The following RAD51B variants were observed in gnomAD, a reference collection of about 807,000 sequenced individuals.
The protein encoded by RAD51B is RAD51 paralog B, also known as DNA repair protein RAD51 homolog 2.
In RAD51B, 38 loss-of-function variants were observed where a neutral mutation model predicts 42.2. The ratio of observed to expected loss-of-function variants is 0.90; its 90% CI spans 0.70 to 1.18. RAD51B has a LOEUF of 1.18. Ranked by LOEUF, RAD51B falls within the 50% of genes most tolerant of loss-of-function variation. The pLI is 0.00. For missense variants in RAD51B, 373 were observed against 400.7 expected (o/e 0.93, Z 0.59); for synonymous variants, 154 against 145.2 (o/e 1.06, Z -0.43).
intron 10 of RAD51B, among the ~76,000 whole-genome samples, chr14:68,644,113 G>A (rs977590625): frequency 6.6e-6 from 1 of 152,140 alleles, no homozygotes; most frequent in Non-Finnish European, 1.5e-5. Flanking sequence ...CTTGTTTTAG[G>A]CTTGACCTTG....
At chr14:67,951,708 C>T (rs2074452911) in intron 7 of RAD51B, among the ~76,000 whole-genome samples, 1 of 152,122 alleles carries the variant, frequency 6.6e-6, no homozygotes, top group African/African-American at 2.4e-5. Context: ...GTTTTTATAA[C>T]ATATAAATCA....
chr14:68,191,169 G>A (rs1181389407), intron 7 of RAD51B, among the ~76,000 whole-genome samples: 1 of 152,176 alleles, frequency 6.6e-6, no homozygotes, highest in Non-Finnish European at 1.5e-5. Flanking sequence ...GAGAAGAAAT[G>A]TAATTGCTTA....
chr14:68,092,272 G>C (rs535777188), intron 7 of RAD51B, among the ~76,000 whole-genome samples: 25,740 of 151,852 alleles, frequency 0.17, 2,351 homozygotes, highest in Middle Eastern at 0.34. Flanking sequence ...GGCATTGAAC[G>C]TATAAATTAC....
chr14:68,471,643 G>A (rs1388541604), intron 10 of RAD51B, among the ~76,000 whole-genome samples: 1 of 149,596 alleles, frequency 6.7e-6, no homozygotes, highest in African/African-American at 2.5e-5. Context: ...GAAGGAGCCG[G>A]TCCATGCTAT....
At chr14:68,537,498 C>A (rs74363464) in intron 10 of RAD51B, among the ~76,000 whole-genome samples, 31 of 145,750 alleles carry the variant, frequency 2.1e-4, no homozygotes, top group Admixed American at 2.0e-4. Flanking sequence ...GATTTCGTCT[C>A]AAAAAAAAAA....
intron 8 of RAD51B, among the ~76,000 whole-genome samples, chr14:68,368,539 T>G (rs1041973018): frequency 4.6e-5 from 7 of 152,236 alleles, no homozygotes; most frequent in African/African-American, 1.7e-4. Context: ...GAGGGCAAAT[T>G]GATTTCATCT....
At chr14:68,253,880 T>C (rs1280168948) in intron 7 of RAD51B, among the ~76,000 whole-genome samples, 1 of 152,264 alleles carries the variant, frequency 6.6e-6, no homozygotes, top group Non-Finnish European at 1.5e-5. Context: ...TTTACTGTTA[T>C]AATTGGCCTC....
intron 10 of RAD51B, among the ~76,000 whole-genome samples, chr14:68,551,713 G>C (rs939606372): frequency 6.6e-6 from 1 of 152,184 alleles, no homozygotes; most frequent in African/African-American, 2.4e-5. Flanking sequence ...ATTTTAGACT[G>C]TGATATCCTT....
chr14:67,863,189 C>T (rs764088), intron 4 of RAD51B, among the ~76,000 whole-genome samples: 45,692 of 116,514 alleles, frequency 0.39, 7,886 homozygotes, highest in Middle Eastern at 0.59. Flanking sequence ...CATGGTCTTG[C>T]TTTGTTGCTC....
At chr14:67,913,987 A>T (rs1595099600) in intron 7 of RAD51B, among the ~76,000 whole-genome samples, 2 of 145,082 alleles carry the variant, frequency 1.4e-5, no homozygotes, top group African/African-American at 5.1e-5. Context: ...CATGAGTTCA[A>T]TTTTTTTTTT....
intron 7 of RAD51B, among the ~76,000 whole-genome samples, chr14:68,232,367 G>GAA (rs539753766): frequency 6.6e-6 from 1 of 150,752 alleles, no homozygotes; most frequent in Non-Finnish European, 1.5e-5. Context: ...CTGGCAAAAA[G>GAA]AAAAAAAAAG....
chr14:68,422,150 G>A, intron 9 of RAD51B: 1 of 1,360,066 alleles, frequency 7.4e-7, no homozygotes, highest in African/African-American at 1.4e-5. Flanking sequence ...ATGGCCCAAG[G>A]GCTCGCTGTC....
At position 68,452,790 on chromosome 14, in the gene RAD51B, A is replaced by G. The variant is rs139941876; in HGVS notation, c.958-15382A>G. Among the ~76,000 whole-genome samples the G allele has an allele frequency of 3.1e-3, 476 of 152,296 alleles. 4 individuals carry two copies. Among genetic ancestry groups the G allele is most frequent in the African/African-American group, 0.011 (450 of 41,556 alleles). On this transcript the variant is annotated intron_variant, in intron 9 of 10. Transcript: ENST00000471583. ...TCTCTTTAATCCTCACAATAAGCCT[A>G]TGAGATGAGTGCTATTGTGTTCATT...
At chr14:68,096,989 C>T (rs572291831) in intron 7 of RAD51B, among the ~76,000 whole-genome samples, 125 of 152,254 alleles carry the variant, frequency 8.2e-4, no homozygotes, top group Non-Finnish European at 1.1e-3. Context: ...ATTAAGCTTT[C>T]CTGACTTGAT....
In RAD51B at chr14:68,477,789, G is replaced by A. The variant is rs1882821627; in HGVS notation, c.*125G>A. 6.5e-7 allele frequency: 1 copy of A among 1,527,002 alleles called. No individual in the cohort carries two copies. 94.6% of individuals were successfully genotyped at this position (1,527,002 alleles called of 1,614,324 possible). On this transcript the variant is annotated 3_prime_UTR_variant, in exon 11 of 11. Transcript: ENST00000471583. ...GGATTAATTAGTTGATTGCTGTTGAGATGGTAACAGATTTGCTCCTAAACC... is the reference window on the plus strand; with the variant it reads ...GGATTAATTAGTTGATTGCTGTTGAAATGGTAACAGATTTGCTCCTAAACC...
chr14:68,617,552 C>T (rs2140112940), intron 10 of RAD51B, among the ~76,000 whole-genome samples: 1 of 152,234 alleles, frequency 6.6e-6, no homozygotes, highest in Admixed American at 6.5e-5. Flanking sequence ...TACATGGTCC[C>T]CTCTTTTCTA....
intron 8 of RAD51B, among the ~76,000 whole-genome samples, chr14:68,294,598 A>T (rs906387292): frequency 2.0e-5 from 3 of 152,176 alleles, no homozygotes; most frequent in Admixed American, 1.3e-4. Flanking sequence ...CTTCTGTTAC[A>T]TGACAGGTTG....
rs553040778 is a variant in RAD51B at position 68,489,443 on chromosome 14, G to A, written c.1036+21193G>A. ...AATGCATGTAAGTACCTAGAACAAT[G>A]CCTGCTGCCTAGTAAGAAAGCAGTA... is the stretch of plus-strand genomic sequence containing the variant. On this transcript the variant is annotated intron_variant, in intron 10 of 10. Coordinates refer to the RAD51B transcript ENST00000487270. Among the ~76,000 whole-genome samples the A allele has an allele frequency of 2.4e-4, 36 of 152,276 alleles. 1 individual carries two copies. The highest frequency in any genetic ancestry group is 7.9e-4 in the African/African-American group (33 of 41,552).
chr14:68,214,778 A>G (rs2079779818), intron 7 of RAD51B, among the ~76,000 whole-genome samples: 2 of 152,196 alleles, frequency 1.3e-5, no homozygotes, highest in Non-Finnish European at 2.9e-5. Flanking sequence ...ACATGCAACA[A>G]ATACAGCTCG....
Sources: gnomAD v4.1 joint callset for allele counts (sites outside exome capture counted in the v4.1 genomes callset) on GRCh38, gnomAD v4.1.1 for gene constraint, MANE v1.5 for transcripts, NCBI Gene and HGNC (gene_info 2026-07-23, HGNC 2026-07-21) for gene names.